Variants in LRP1 observed in about 807,000 individuals in gnomAD.
LRP1 encodes the protein LDL receptor related protein 1.
Under a neutral mutation model 541.5 loss-of-function variants are expected in LRP1, and 51 were observed. That is an observed-to-expected ratio of 0.09 (90% CI 0.08 to 0.12). The LOEUF is 0.12. Among genes scored for constraint, LRP1 ranks in the 10% least tolerant of loss-of-function variants. The pLI is 1.00. For synonymous variants in LRP1, 2,219 were observed against 2,470.8 expected (o/e 0.90, Z 3.02); for missense variants, 3,878 against 6,376.2 (o/e 0.61, Z 13.34).
rs1363277676 is a variant in LRP1, at chr12:57,176,995, C to T, written c.3992-46C>T. 7 of 1,536,112 alleles carry T rather than the reference C, an allele frequency of 4.6e-6. No individual in the cohort carries two copies. In the South Asian group the frequency reaches 6.7e-5, roughly 15 times the overall value. ...TCCCAGGATTTCACACATTCATGCA[C>T]AGCTCCCCAGGAGACGCTAACCTTT... On this transcript the variant is annotated intron_variant, in intron 24 of 88. Transcript: ENST00000243077.
At chr12:57,207,952 C>A in intron 76 of LRP1, 86 bp from the exon 77 acceptor site, 1 of 1,462,612 alleles carries the variant, frequency 6.8e-7, no homozygotes, top group Non-Finnish European at 9.4e-7. Flanking sequence ...CCTGGGGTGA[C>A]GTTCCAGCAG....
At chr12:57,164,835 A>G (rs2035807357) in intron 15 of LRP1, 1 of 152,254 alleles carries the variant, frequency 6.6e-6, no homozygotes, top group South Asian at 2.1e-4. Flanking sequence ...GGCTGGGGTC[A>G]GGAGAGGGCG....
chr12:57,184,176 A>C lies in LRP1; in HGVS notation c.6021A>C (p.Leu2007=). 6.2e-7 allele frequency: 1 copy of C among 1,614,110 alleles called. No individual in the cohort carries two copies. Residue 2007 remains leucine (L), a synonymous_variant, in exon 37 of 89, where the codon CTA becomes CTC. Transcript: ENST00000243077. The surrounding 1 kb of genome is among the most constrained non-coding windows in gnomAD (Gnocchi z 7.8). Reference sequence around the variant, plus strand: ...GCTACGTGGTGATCTCCCAGGGTCTAGACAAGCCCCGGGCCATCACCGTCC... The same window carrying C: ...GCTACGTGGTGATCTCCCAGGGTCTCGACAAGCCCCGGGCCATCACCGTCC... The part of the protein sequence containing the change: ...SFRYVVISQG[L]DKPRAITVHP...
At chr12:57,153,472 G>T (rs1341073702) in intron 6 of LRP1, among the ~76,000 whole-genome samples, 1 of 152,064 alleles carries the variant, frequency 6.6e-6, no homozygotes, top group African/African-American at 2.4e-5. Context: ...GCCTCAGTTT[G>T]CCCTGAGGAT....
In LRP1 at chr12:57,184,799, G is replaced by A; in HGVS notation, c.6187-40G>A. On this transcript the variant is annotated intron_variant, in intron 38 of 88. Transcript: ENST00000243077. The surrounding 1 kb of genome is among the most constrained non-coding windows in gnomAD (Gnocchi z 7.8). ...GCCCCAGACATGGGGCTGGCAGCGA[G>A]CTCAGCCCTGGAGGTGAGGTGGGTG... is the stretch of plus-strand genomic sequence containing the variant. 6.3e-7 allele frequency: 1 copy of A among 1,590,960 alleles called. No homozygotes were observed. Among genetic ancestry groups the A allele is most frequent in the Non-Finnish European group, 8.6e-7 (1 of 1,164,220 alleles).
rs2036657365 is a variant in LRP1 at position 57,201,636 on chromosome 12, G to A, written c.10468+17G>A. The stretch of plus-strand genomic sequence containing the variant: ...CCAACTGCAGTGAGTTGCCTGGCCT[G>A]GAGCCCAGCTTCCCTCCCCAGTGTC... On this transcript the variant is annotated intron_variant, in intron 66 of 88. Coordinates refer to ENST00000243077, the MANE Select transcript of LRP1 (RefSeq NM_002332.3). The surrounding 1 kb of genome is among the most constrained non-coding windows in gnomAD (Gnocchi z 6.4). 4 of 1,607,934 alleles carry A rather than the reference G, an allele frequency of 2.5e-6. No homozygotes were observed. The highest frequency in any genetic ancestry group is 2.6e-6 in the Non-Finnish European group (3 of 1,175,416).
chr12:57,162,935 G>A lies in LRP1; in HGVS notation c.2482G>A (p.Ala828Thr), dbSNP rs775184509. Residue 828 changes from alanine (A) to threonine (T), a missense_variant, in exon 15 of 89, where the codon GCC becomes ACC. Physicochemically the swap from Ala to Thr is moderately conservative, Grantham distance 58 (BLOSUM62 0). Transcript: ENST00000243077. The surrounding 1 kb of genome is among the most constrained non-coding windows in gnomAD (Gnocchi z 5.2). ...CLATPGSRQC[A>T]CAEDQVLDAD... ...GGCCACCCCTGGGAGCCGCCAGTGC[G>A]CCTGTGCTGAGGACCAGGTGTTGGA... is the stretch of plus-strand genomic sequence containing the variant. The A allele has an allele frequency of 9.9e-6, 16 of 1,608,110 alleles. No homozygotes were observed. The highest frequency in any genetic ancestry group is 5.0e-5 in the Admixed American group (3 of 59,510).
intron 17 of LRP1, chr12:57,166,547 C>T (rs956777100): frequency 2.8e-4 from 108 of 387,530 alleles, no homozygotes; most frequent in East Asian, 4.2e-4. Flanking sequence ...GACAACAGAG[C>T]GAGACCTGTC....
chr12:57,152,985 G>C (rs1247696820), intron 6 of LRP1, among the ~76,000 whole-genome samples: 1 of 152,194 alleles, frequency 6.6e-6, no homozygotes, highest in African/African-American at 2.4e-5. Flanking sequence ...AAGCAGAACA[G>C]CAAGTCATTA....
rs769879152 is a variant in LRP1, at chr12:57,194,524, G to A, written c.8068+21G>A. On this transcript the variant is annotated intron_variant, in intron 49 of 88. Transcript: ENST00000243077. The stretch of plus-strand genomic sequence containing the variant: ...CCCAGGTGGGCGGGGGCAGGTGTGT[G>A]GTGGGTGGTGGCCTGCGGTGAGCAG... The A allele has an allele frequency of 8.7e-6, 14 of 1,611,104 alleles. No individual in the cohort carries two copies. In the African/African-American group the frequency reaches 1.7e-4, roughly 20 times the overall value.
intron 42 of LRP1, among the ~76,000 whole-genome samples, chr12:57,188,263 C>T (rs1172913769): frequency 6.6e-6 from 1 of 152,258 alleles, no homozygotes; most frequent in African/African-American, 2.4e-5. Flanking sequence ...GAGCCACCCC[C>T]TCGCCTTAGG....
At chr12:57,140,427 G>T (rs1405338865) in intron 2 of LRP1, among the ~76,000 whole-genome samples, 2 of 152,138 alleles carry the variant, frequency 1.3e-5, no homozygotes, top group Admixed American at 6.5e-5. Flanking sequence ...TTATCCAATG[G>T]ATCCAAAATA....
Position 57,189,416 on chromosome 12 carries a change from A to C in LRP1, c.7032-1389A>C, listed in dbSNP as rs1383618832. Among the ~76,000 whole-genome samples the C allele has an allele frequency of 6.6e-6, 1 of 151,948 alleles. No homozygotes were observed. The highest frequency in any genetic ancestry group is 1.5e-5 in the Non-Finnish European group (1 of 67,990). On this transcript the variant is annotated intron_variant, in intron 42 of 88. Coordinates refer to ENST00000243077, the MANE Select transcript of LRP1 (RefSeq NM_002332.3). The surrounding 1 kb of genome is among the most constrained non-coding windows in gnomAD (Gnocchi z 4.4). ...GGACACGCCGCCTCCCTCCCAACTTACATCCCGATTCCAGAGCCACCGCAA... is the reference window on the plus strand; with the variant it reads ...GGACACGCCGCCTCCCTCCCAACTTCCATCCCGATTCCAGAGCCACCGCAA...
chr12:57,194,314 A>AG, intron 48 of LRP1, 40 bp from the exon 49 acceptor site: 1 of 1,504,638 alleles, frequency 6.6e-7, no homozygotes. Flanking sequence ...GGGGTGATCC[A>AG]GGGGGAACCA....
rs2036333775 is a variant in LRP1 at position 57,189,537 on chromosome 12, A to G, written c.7032-1268A>G. 6.6e-6 allele frequency among the ~76,000 whole-genome samples: 1 copy of G among 152,096 alleles called. No individual in the cohort carries two copies. Among genetic ancestry groups the G allele is most frequent in the Non-Finnish European group, 1.5e-5 (1 of 68,030 alleles). On this transcript the variant is annotated intron_variant, in intron 42 of 88. Coordinates refer to ENST00000243077, the MANE Select transcript of LRP1 (RefSeq NM_002332.3). This position sits in a 1 kb window ranked among gnomAD's most constrained non-coding sequence, Gnocchi z 4.4. ...GCCAGTGTCTCCAGAGGGGCAGAGC[A>G]GCACCATTTTCCTACGTGAGCCCAG...
At position 57,205,244 on chromosome 12, in the gene LRP1, G is replaced by A; in HGVS notation, c.11330G>A (p.Ser3777Asn). Residue 3777 changes from serine (S) to asparagine (N), a missense_variant, in exon 73 of 89, where the codon AGC becomes AAC. Transcript: ENST00000243077. The surrounding 1 kb of genome is among the most constrained non-coding windows in gnomAD (Gnocchi z 4.6). The part of the protein sequence containing the change: ...CGDGSDEEDC[S>N]IDPKLTSCAT... ...GACGGCTCTGACGAGGAGGACTGCA[G>A]CATCGGTGAGGCCCGGCAGCGGACC... 1 of 1,610,430 alleles carries A rather than the reference G, an allele frequency of 6.2e-7. No homozygotes were observed. Among genetic ancestry groups the A allele is most frequent in the South Asian group, 1.1e-5 (1 of 90,936 alleles).
intron 79 of LRP1, 74 bp downstream of exon 79, chr12:57,209,273 C>A: frequency 8.3e-7 from 1 of 1,207,886 alleles, no homozygotes; most frequent in South Asian, 1.3e-5. Context: ...AGCCAAAGGC[C>A]TCACTTCAAT....
chr12:57,166,997 T>G lies in LRP1; in HGVS notation c.2865T>G (p.Cys955Trp). Residue 955 changes from cysteine (C) to tryptophan (W), a missense_variant, in exon 18 of 89, where the codon TGT (cysteine) becomes TGG (tryptophan). Coordinates refer to ENST00000243077, the MANE Select transcript of LRP1 (RefSeq NM_002332.3). ...GCTGCATCCCCATCTCCTGGACGTG[T>G]GATCTGGATGACGACTGTGGGGACC... ...SGRCIPISWTCDLDDDCGDRS... is the reference protein window; with the variant it reads ...SGRCIPISWTWDLDDDCGDRS... 1 of 1,614,082 alleles carries G rather than the reference T, an allele frequency of 6.2e-7. No individual in the cohort carries two copies. Among genetic ancestry groups the G allele is most frequent in the Non-Finnish European group, 8.5e-7 (1 of 1,179,998 alleles).
chr12:57,200,824 C>CTG lies in LRP1; in HGVS notation c.10225+10_10225+11dup. 6.2e-7 allele frequency: 1 copy of CTG among 1,604,516 alleles called. No individual in the cohort carries two copies. Among genetic ancestry groups the CTG allele is most frequent in the Non-Finnish European group, 8.5e-7 (1 of 1,172,998 alleles). On this transcript the variant is annotated intron_variant, in intron 64 of 88. Transcript: ENST00000243077. ...TGACGAGGCCAACTGTGGTAAGGCG[C>CTG]TGCCCGCCCACCCTCCCTCCTTCCC...
Sources: gnomAD v4.1 joint callset for allele counts (sites outside exome capture counted in the v4.1 genomes callset) on GRCh38, gnomAD v4.1.1 for gene constraint, Gnocchi (gnomAD v3.1) non-coding constraint, MANE v1.5 for transcripts, NCBI Gene and HGNC (gene_info 2026-07-23, HGNC 2026-07-21) for gene names.